The following DLC1 variants were observed in gnomAD, a reference collection of about 807,000 sequenced individuals.
The protein encoded by DLC1 is DLC1 Rho GTPase activating protein.
Under a neutral mutation model 140.3 loss-of-function variants are expected in DLC1, and 54 were observed. That is an observed-to-expected ratio of 0.38 (90% CI 0.31 to 0.48). The LOEUF is 0.48. DLC1 is among the 20% of genes least tolerant of loss of function. The pLI, the probability that DLC1 is intolerant of heterozygous loss-of-function variation, is 0.96. For synonymous variants in DLC1, 986 were observed against 728.1 expected (o/e 1.35, Z -5.70); for missense variants, 2,536 against 1,907.0 (o/e 1.33, Z -6.14).
At chr8:13,230,667 GCT>G (rs1829006284) in intron 5 of DLC1, among the ~76,000 whole-genome samples, 1 of 149,276 alleles carries the variant, frequency 6.7e-6, no homozygotes, top group African/African-American at 2.5e-5. Context: ...TGTGATCTCA[GCT>G]CACTGCAACC....
intron 15 of DLC1, 144 bp downstream of exon 15, chr8:13,090,108 T>C (rs978358133): frequency 2.9e-6 from 2 of 700,348 alleles, no homozygotes; most frequent in Non-Finnish European, 4.7e-6. Context: ...CACGGGGATC[T>C]TACTCACCCC....
At chr8:13,320,448 TA>T in intron 4 of DLC1, among the ~76,000 whole-genome samples, 1 of 152,314 alleles carries the variant, frequency 6.6e-6, no homozygotes, top group East Asian at 1.9e-4. Context: ...GTAGCATATT[TA>T]AAAATAAAAA....
chr8:13,158,743 CCCCCG>C (rs1245305834), intron 5 of DLC1, among the ~76,000 whole-genome samples: 8 of 92,216 alleles, frequency 8.7e-5, no homozygotes, highest in Non-Finnish European at 1.3e-4. Context: ...TCCCCCCCCC[CCCCCG>C]CCCGCCACAC....
chr8:13,548,234 G>C (rs1352542292), intron 1 of DLC1, among the ~76,000 whole-genome samples: 1 of 151,308 alleles, frequency 6.6e-6, no homozygotes, highest in African/African-American at 2.4e-5. Flanking sequence ...ACGCCTACCC[G>C]ACCCTACACC....
At chr8:13,543,345 T>C (rs1803548412) in intron 1 of DLC1, among the ~76,000 whole-genome samples, 1 of 152,164 alleles carries the variant, frequency 6.6e-6, no homozygotes, top group South Asian at 2.1e-4. Flanking sequence ...CAGAAGTAGA[T>C]AGTTTAGACC....
intron 2 of DLC1, among the ~76,000 whole-genome samples, chr8:13,448,888 A>C (rs1798919887): frequency 1.3e-5 from 2 of 151,968 alleles, no homozygotes; most frequent in African/African-American, 4.8e-5. Context: ...CACAGCAAGG[A>C]AACACCAGTT....
At chr8:13,297,057 C>G (rs1831985571) in intron 5 of DLC1, among the ~76,000 whole-genome samples, 2 of 150,722 alleles carry the variant, frequency 1.3e-5, no homozygotes, top group South Asian at 4.2e-4. Context: ...TTTAAAAATC[C>G]TGTGAGTTCA....
chr8:13,464,517 T>C (rs1799831373), intron 2 of DLC1, among the ~76,000 whole-genome samples: 2 of 151,984 alleles, frequency 1.3e-5, no homozygotes, highest in Admixed American at 6.6e-5. Context: ...CATCAGTTGA[T>C]ACACGAAACA....
chr8:13,336,652 A>G (rs1045696572), intron 4 of DLC1, among the ~76,000 whole-genome samples: 2 of 152,320 alleles, frequency 1.3e-5, no homozygotes, highest in African/African-American at 4.8e-5. Context: ...TCTGTCATGT[A>G]CTAGCTACAT....
At chr8:13,539,438 G>A (rs1041630518) in intron 1 of DLC1, among the ~76,000 whole-genome samples, 3 of 152,074 alleles carry the variant, frequency 2.0e-5, no homozygotes. Context: ...CTGACCTCGT[G>A]ATCCGTCCAC....
intron 1 of DLC1, among the ~76,000 whole-genome samples, chr8:13,593,019 A>G (rs1204202127): frequency 6.6e-6 from 1 of 151,960 alleles, no homozygotes; most frequent in Admixed American, 6.6e-5. Flanking sequence ...CTGTTTAAGG[A>G]GTTTAGCTTT....
intron 5 of DLC1, among the ~76,000 whole-genome samples, chr8:13,140,171 C>T (rs1822870776): frequency 6.6e-6 from 1 of 152,114 alleles, no homozygotes; most frequent in African/African-American, 2.4e-5. Flanking sequence ...TTGTGTCTGG[C>T]TTATAATGGT....
chr8:13,582,961 T>G (rs551738127), intron 1 of DLC1, among the ~76,000 whole-genome samples: 1 of 146,118 alleles, frequency 6.8e-6, no homozygotes, highest in African/African-American at 2.5e-5. Flanking sequence ...CATACCTTAA[T>G]TAAAAATACT....
chr8:13,300,494 C>T (rs1174829831), intron 5 of DLC1, among the ~76,000 whole-genome samples: 1 of 152,172 alleles, frequency 6.6e-6, no homozygotes. Flanking sequence ...CATTGTCCCA[C>T]CATCCCCCTC....
chr8:13,300,953 G>A (rs1832168825), intron 5 of DLC1, among the ~76,000 whole-genome samples: 1 of 152,176 alleles, frequency 6.6e-6, no homozygotes, highest in Non-Finnish European at 1.5e-5. Context: ...CTGCATGGAA[G>A]CAGTGGCCAG....
Position 13,094,837 on chromosome 8 carries a change from G to C in DLC1, c.3448C>G (p.Leu1150Val), listed in dbSNP as rs376491544. ...GGAAGATCTCGAAAATACTGCTTCAGCATGTCTGCCACGTCATAAGCAGAC... is the reference window on the plus strand; with the variant it reads ...GGAAGATCTCGAAAATACTGCTTCACCATGTCTGCCACGTCATAAGCAGAC... ...GQSAYDVADM[L>V]KQYFRDLPEP... The change falls in exon 12 of 18, where the codon CTG becomes GTG. Residue 1150 changes from leucine (L) to valine (V), a missense_variant. By Grantham distance (32) the Leu-to-Val change is conservative (BLOSUM62 1). Transcript: ENST00000276297. The C allele has an allele frequency of 6.2e-7, 1 of 1,614,194 alleles. No individual in the cohort carries two copies. Among genetic ancestry groups the C allele is most frequent in the Non-Finnish European group, 8.5e-7 (1 of 1,180,042 alleles).
intron 2 of DLC1, among the ~76,000 whole-genome samples, chr8:13,473,302 T>G (rs1800294105): frequency 6.6e-6 from 1 of 152,174 alleles, no homozygotes; most frequent in Admixed American, 6.5e-5. Context: ...GGGAGGTAAT[T>G]GAATCATGGG....
At chr8:13,296,412 A>C (rs1831956344) in intron 5 of DLC1, among the ~76,000 whole-genome samples, 1 of 152,202 alleles carries the variant, frequency 6.6e-6, no homozygotes, top group South Asian at 2.1e-4. Context: ...ACTGAAATGC[A>C]AAGCTGTCTT....
intron 2 of DLC1, among the ~76,000 whole-genome samples, chr8:13,417,267 G>T (rs1296321960): frequency 6.6e-6 from 1 of 151,874 alleles, no homozygotes; most frequent in Non-Finnish European, 1.5e-5. Flanking sequence ...GTGCAGGTTA[G>T]TTACATATGT....
Sources: gnomAD v4.1 joint callset for allele counts (sites outside exome capture counted in the v4.1 genomes callset) on GRCh38, gnomAD v4.1.1 for gene constraint, MANE v1.5 for transcripts, NCBI Gene and HGNC (gene_info 2026-07-23, HGNC 2026-07-21) for gene names.